Variants in HDHD5 observed in about 807,000 individuals in gnomAD.
HDHD5 encodes the protein haloacid dehalogenase-like hydrolase domain-containing 5.
Under a neutral mutation model 35.5 loss-of-function variants are expected in HDHD5, and 34 were observed. The observed-to-expected ratio is 0.96, with a 90% confidence interval of 0.73 to 1.28. The LOEUF is 1.28. Among genes scored for constraint, HDHD5 ranks in the 50% most tolerant of loss-of-function variants. The pLI is 0.00. For missense variants in HDHD5, 589 were observed against 560.2 expected (o/e 1.05, Z -0.52); for synonymous variants, 248 against 240.6 (o/e 1.03, Z -0.29).
chr22:17,157,113 C>CACACACAA lies in HDHD5; in HGVS notation c.126+2012_126+2013insTTGTGTGT, dbSNP rs577153294. On this transcript the variant is annotated intron_variant, in intron 1 of 7. Transcript: ENST00000336737. The stretch of plus-strand genomic sequence containing the variant: ...ACACACACACACACACACACACACA[C>CACACACAA]AAAAGAAAAAAGCTATGGAACAATG... Among the ~76,000 whole-genome samples, 7 of 145,106 alleles carry CACACACAA rather than the reference C, an allele frequency of 4.8e-5. No individual in the cohort carries two copies. The South Asian group carries it at 8.8e-4, about 18-fold the overall frequency.
intron 3 of HDHD5, among the ~76,000 whole-genome samples, chr22:17,147,600 C>T (rs2061678945): frequency 1.4e-5 from 2 of 144,868 alleles, no homozygotes; most frequent in South Asian, 4.4e-4. Flanking sequence ...ACACCTGTGG[C>T]GCCCTCCTGT....
chr22:17,148,755 T>C (rs1309184487), intron 2 of HDHD5, among the ~76,000 whole-genome samples, 195 bp from the exon 3 acceptor site: 4 of 152,180 alleles, frequency 2.6e-5, no homozygotes, highest in Non-Finnish European at 4.4e-5. Context: ...ACCTGTCTCA[T>C]TTAGTTCTTG....
At position 17,159,172 on chromosome 22, in the gene HDHD5, A is replaced by G. The variant is rs2061839240; in HGVS notation, c.80T>C (p.Leu27Pro). 2.5e-6 allele frequency: 3 copies of G among 1,217,642 alleles called. No homozygotes were observed. The highest frequency in any genetic ancestry group is 3.1e-6 in the Non-Finnish European group (3 of 979,052). The allele number at this position is 1,217,642 out of a possible 1,614,324, so 75.4% of individuals were successfully genotyped here. Reference protein sequence around the residue: ...CWRAARAAAGLQGRPARRCYA... With the variant: ...CWRAARAAAGPQGRPARRCYA... ...GCACCTGCGGGCGGGGCGGCCCTGGAGCCCCGCAGCCGCGCGCGCCGCCCG... is the reference window on the plus strand; with the variant it reads ...GCACCTGCGGGCGGGGCGGCCCTGGGGCCCCGCAGCCGCGCGCGCCGCCCG... The change falls in exon 1 of 8, where the codon CTC becomes CCC. Residue 27 changes from leucine to proline, a missense_variant. Transcript: ENST00000336737.
In HDHD5 at chr22:17,148,546, T is replaced by C. The variant is rs371335568; in HGVS notation, c.345A>G (p.Gln115=). The change falls in exon 3 of 8, where the codon CAA becomes CAG. Residue 115 remains glutamine (Q), a synonymous_variant. Coordinates refer to ENST00000336737, the MANE Select transcript of HDHD5 (RefSeq NM_033070.3). ...ALLGCEVDAD[Q]VILSHSPMKL... ...TCATGGGGCTGTGAGAGAGGATAAC[T>C]TGGTCTGCATCCACCTGTAGGGACA... is the stretch of plus-strand genomic sequence containing the variant. 5.0e-6 allele frequency: 8 copies of C among 1,613,858 alleles called. No individual in the cohort carries two copies. The highest frequency in any genetic ancestry group is 6.8e-6 in the Non-Finnish European group (8 of 1,179,924).
At chr22:17,158,733 G>C (rs2061831432) in intron 1 of HDHD5, 1 of 155,248 alleles carries the variant, frequency 6.4e-6, no homozygotes, top group Non-Finnish European at 1.4e-5. Context: ...CGGAGCACCC[G>C]CAGGCGCGGC....
chr22:17,159,296 C>CA (rs916119318), upstream of HDHD5: 10 of 1,236,924 alleles, frequency 8.1e-6, no homozygotes, highest in Non-Finnish European at 1.0e-5. Flanking sequence ...GCCCCCCCCC[C>CA]CCGCGAGTCC....
At position 17,157,077 on chromosome 22, in the gene HDHD5, CACACACAT is replaced by C. The variant is rs1161507904; in HGVS notation, c.126+2041_126+2048del. ...CGGGCAACAGAGCTAGACACCGTCT[CACACACAT>C]ACACACACACACACACACACACACA... On this transcript the variant is annotated intron_variant, in intron 1 of 7. Coordinates refer to ENST00000336737, the MANE Select transcript of HDHD5 (RefSeq NM_033070.3). Among the ~76,000 whole-genome samples, 78 of 66,222 alleles carry C rather than the reference CACACACAT, an allele frequency of 1.2e-3. 1 individual carries two copies. In the East Asian group the frequency reaches 0.029, roughly 24 times the overall value. 43.4% of individuals were successfully genotyped at this position (66,222 alleles called of 152,430 possible). A position where few individuals can be genotyped will look rare whatever the true frequency, so the allele number is the denominator to read the frequency against.
Position 17,144,741 on chromosome 22 carries a change from G to A in HDHD5, c.537+283C>T, listed in dbSNP as rs190644915. Among the ~76,000 whole-genome samples the A allele has an allele frequency of 3.5e-3, 533 of 151,966 alleles. 1 individual carries two copies. Among genetic ancestry groups the A allele is most frequent in the Non-Finnish European group, 6.1e-3 (415 of 67,962 alleles). On this transcript the variant is annotated intron_variant, in intron 4 of 7. Coordinates refer to ENST00000336737, the MANE Select transcript of HDHD5 (RefSeq NM_033070.3). ...TTTTTTAAATTTTTTTGTAGAGACG[G>A]GGTCTCACTATGTTGCCCAGGCTGG...
intron 1 of HDHD5, among the ~76,000 whole-genome samples, chr22:17,153,612 A>G (rs921064216): frequency 7.9e-5 from 12 of 152,024 alleles, no homozygotes; most frequent in African/African-American, 2.9e-4. Flanking sequence ...CACTACAAGC[A>G]TTTTTCCTGG....
rs965411252 is a variant in HDHD5, at chr22:17,149,853, T to C, written c.127-108A>G. 3.7e-5 allele frequency: 33 copies of C among 896,384 alleles called. No homozygotes were observed. The East Asian group carries it at 4.9e-4, about 13-fold the overall frequency. The allele number at this position is 896,384 out of a possible 1,614,324, so 55.5% of individuals were successfully genotyped here. A position where few individuals can be genotyped will look rare whatever the true frequency, so the allele number is the denominator to read the frequency against. On this transcript the variant is annotated intron_variant, in intron 1 of 7. Coordinates refer to ENST00000336737, the MANE Select transcript of HDHD5 (RefSeq NM_033070.3). The stretch of plus-strand genomic sequence containing the variant: ...GTCACTCATGTCCCTTGAAAACCTA[T>C]GTCAGAAAGAACAAAAAAATGAAGA...
Position 17,149,643 on chromosome 22 carries a change from A to T in HDHD5, c.229T>A (p.Ser77Thr). ...ALKAFRRLVN[S>T]QGQLRVPVVF... ...ACGGGCACCCGCAGCTGCCCCTGGG[A>T]GTTCACCAGCCTTCGGAAGGCTTTC... The change falls in exon 2 of 8, where the codon TCC becomes ACC. Residue 77 changes from serine to threonine, a missense_variant. By Grantham distance (58) the Ser-to-Thr change is moderately conservative. Coordinates refer to ENST00000336737, the MANE Select transcript of HDHD5 (RefSeq NM_033070.3). The T allele has an allele frequency of 6.2e-7, 1 of 1,613,772 alleles. No homozygotes were observed. The highest frequency in any genetic ancestry group is 1.3e-5 in the African/African-American group (1 of 75,032).
intron 1 of HDHD5, among the ~76,000 whole-genome samples, chr22:17,150,756 T>G (rs190025061): frequency 1.2e-4 from 18 of 152,256 alleles, no homozygotes; most frequent in African/African-American, 4.1e-4. Context: ...TGACCTTAGG[T>G]GATTCACCCA....
chr22:17,145,177 C>A, intron 3 of HDHD5, 60 bp from the exon 4 acceptor site: 1 of 1,602,658 alleles, frequency 6.2e-7, no homozygotes, highest in Non-Finnish European at 8.5e-7. Context: ...TTTCTGAATG[C>A]ATCAAATCAC....
rs182853786 is a variant in HDHD5 at position 17,152,712 on chromosome 22, C to A, written c.127-2967G>T. The stretch of plus-strand genomic sequence containing the variant: ...TTAATAATGGACCACACAAGACCTG[C>A]CAGCAAAAGACAGTGCAAGGAGGAA... On this transcript the variant is annotated intron_variant, in intron 1 of 7. Coordinates refer to ENST00000336737, the MANE Select transcript of HDHD5 (RefSeq NM_033070.3). Among the ~76,000 whole-genome samples the A allele has an allele frequency of 1.3e-3, 197 of 152,074 alleles. 2 individuals are homozygous for A. The highest frequency in any genetic ancestry group is 3.9e-3 in the African/African-American group (161 of 41,466).
At chr22:17,148,319 C>A (rs2061687970) in intron 3 of HDHD5, 129 bp downstream of exon 3, 1 of 771,538 alleles carries the variant, frequency 1.3e-6, no homozygotes, top group South Asian at 1.6e-5. Flanking sequence ...TCCTCCCTCC[C>A]CTGAGCCCAC....
At chr22:17,148,357 G>C in intron 3 of HDHD5, 91 bp downstream of exon 3, 1 of 1,030,082 alleles carries the variant, frequency 9.7e-7, no homozygotes, top group Non-Finnish European at 1.5e-6. Context: ...CCAGCACCCA[G>C]CACTCCTCAC....
chr22:17,145,589 G>A (rs967609341), intron 3 of HDHD5, among the ~76,000 whole-genome samples: 2 of 152,190 alleles, frequency 1.3e-5, no homozygotes, highest in African/African-American at 4.8e-5. Flanking sequence ...CTACTCAGGA[G>A]GCTGGGGCAG....
At chr22:17,143,613 C>T (rs1276954126) in intron 4 of HDHD5, 1 of 157,002 alleles carries the variant, frequency 6.4e-6, no homozygotes, top group Non-Finnish European at 1.4e-5. Context: ...TGACCCGGGA[C>T]AGGTCACTCC....
intron 2 of HDHD5, among the ~76,000 whole-genome samples, chr22:17,148,887 CCT>C (rs1482506454): frequency 6.6e-6 from 1 of 152,172 alleles, no homozygotes; most frequent in Non-Finnish European, 1.5e-5. Context: ...ATGTGTGCTC[CCT>C]GTCACTGTCG....
Sources: gnomAD v4.1 joint callset for allele counts (sites outside exome capture counted in the v4.1 genomes callset) on GRCh38, gnomAD v4.1.1 for gene constraint, MANE v1.5 for transcripts, NCBI Gene and HGNC (gene_info 2026-07-23, HGNC 2026-07-21) for gene names.